NR6A1: variants seen among roughly 807,000 people sequenced by gnomAD.
NR6A1 encodes the protein retinoic acid receptor-related testis-associated receptor.
Under a neutral mutation model 59.1 loss-of-function variants are expected in NR6A1, and 7 were observed. The ratio of observed to expected loss-of-function variants is 0.12; its 90% CI spans 0.07 to 0.22. NR6A1 has a LOEUF of 0.22. Among genes scored for constraint, NR6A1 ranks in the 10% least tolerant of loss-of-function variants. The pLI, the probability that NR6A1 is intolerant of heterozygous loss-of-function variation, is 1.00. For synonymous variants in NR6A1, 243 were observed against 236.1 expected (o/e 1.03, Z -0.27); for missense variants, 468 against 611.6 (o/e 0.77, Z 2.48).
chr9:124,569,028 G>A (rs1307561838), intron 2 of NR6A1, among the ~76,000 whole-genome samples: 2 of 151,822 alleles, frequency 1.3e-5, no homozygotes, highest in Non-Finnish European at 2.9e-5. Flanking sequence ...CAGGAGAATG[G>A]CATGAACCCG....
In NR6A1 at chr9:124,584,436, G is replaced by A. The variant is rs554046013; in HGVS notation, c.143-29866C>T. Among the ~76,000 whole-genome samples the A allele has an allele frequency of 6.0e-4, 91 of 152,032 alleles. 1 individual carries two copies. In the South Asian group the frequency reaches 0.018, roughly 31 times the overall value. On this transcript the variant is annotated intron_variant, in intron 2 of 9. Transcript: ENST00000487099. Reference sequence around the variant, plus strand: ...TGCATTTTTTACAAATTGAAGGTTTGTGGCAACCCTGCATCAAGGAAGTCT... The same window carrying A: ...TGCATTTTTTACAAATTGAAGGTTTATGGCAACCCTGCATCAAGGAAGTCT...
At chr9:124,561,848 G>A (rs1356039708) in intron 2 of NR6A1, among the ~76,000 whole-genome samples, 2 of 152,128 alleles carry the variant, frequency 1.3e-5, no homozygotes, top group African/African-American at 2.4e-5. Flanking sequence ...GGAGGTAGAG[G>A]TTGCAGTGAG....
chr9:124,619,563 T>G (rs917764442), intron 2 of NR6A1, among the ~76,000 whole-genome samples: 1 of 152,088 alleles, frequency 6.6e-6, no homozygotes, highest in African/African-American at 2.4e-5. Context: ...ATACCTGGAC[T>G]ATAATTTTTA....
At chr9:124,539,155 T>C (rs1260061906) in intron 5 of NR6A1, among the ~76,000 whole-genome samples, 3 of 152,176 alleles carry the variant, frequency 2.0e-5, no homozygotes, top group African/African-American at 7.2e-5. Context: ...TCTACCCACC[T>C]TGACCTCCCA....
In NR6A1 at chr9:124,541,285, A is replaced by C. The variant is rs141027528; in HGVS notation, c.442-1098T>G. On this transcript the variant is annotated intron_variant, in intron 4 of 9. Transcript: ENST00000487099. ...AACTCCCATAACTCAGGAACAGAAA[A>C]AAAACAAAACAAAACCCACTGAAAA... is the stretch of plus-strand genomic sequence containing the variant. 5.5e-3 allele frequency among the ~76,000 whole-genome samples: 838 copies of C among 152,308 alleles called. 9 individuals carry two copies. The highest frequency in any genetic ancestry group is 0.018 in the African/African-American group (764 of 41,578).
intron 2 of NR6A1, among the ~76,000 whole-genome samples, chr9:124,600,375 G>C: frequency 6.6e-6 from 1 of 152,150 alleles, no homozygotes; most frequent in East Asian, 1.9e-4. Flanking sequence ...AAGAATGAGA[G>C]CAACTAAGAA....
intron 2 of NR6A1, among the ~76,000 whole-genome samples, chr9:124,606,730 G>A (rs920679665): frequency 3.3e-5 from 5 of 152,126 alleles, no homozygotes; most frequent in South Asian, 2.1e-4. Context: ...CTATGTTCAC[G>A]TGACAGTGAG....
chr9:124,637,075 AC>A (rs1479824328), intron 2 of NR6A1, among the ~76,000 whole-genome samples: 1 of 152,200 alleles, frequency 6.6e-6, no homozygotes, highest in Non-Finnish European at 1.5e-5. Context: ...CAGGAGTGAT[AC>A]ATCTCTCTAG....
At chr9:124,585,472 A>G (rs1408942603) in intron 2 of NR6A1, among the ~76,000 whole-genome samples, 2 of 142,520 alleles carry the variant, frequency 1.4e-5, no homozygotes, top group African/African-American at 2.6e-5. Flanking sequence ...TAAACCCAGG[A>G]GGCAAAGCTT....
intron 2 of NR6A1, among the ~76,000 whole-genome samples, chr9:124,649,031 A>T (rs1285939066): frequency 1.3e-5 from 2 of 152,094 alleles, no homozygotes; most frequent in African/African-American, 4.8e-5. Context: ...ATCCAAAGAG[A>T]TCTACAGATA....
intron 2 of NR6A1, among the ~76,000 whole-genome samples, chr9:124,568,312 C>T (rs970305121): frequency 6.6e-6 from 1 of 151,220 alleles, no homozygotes; most frequent in African/African-American, 2.4e-5. Flanking sequence ...ATGGTGAAAC[C>T]CCGTCTCTAC....
intron 2 of NR6A1, among the ~76,000 whole-genome samples, chr9:124,713,864 G>C (rs1039071751): frequency 1.3e-5 from 2 of 152,174 alleles, no homozygotes; most frequent in African/African-American, 4.8e-5. Context: ...AATTACCATA[G>C]GGTCCAGCAA....
At chr9:124,536,298 G>A (rs952116519) in intron 6 of NR6A1, among the ~76,000 whole-genome samples, 166 bp from the exon 7 acceptor site, 6 of 152,152 alleles carry the variant, frequency 3.9e-5, no homozygotes, top group Admixed American at 1.3e-4. Flanking sequence ...GATAAAGGGG[G>A]AAGGCTGAGG....
At chr9:124,767,605 G>A (rs1443805196) in intron 1 of NR6A1, among the ~76,000 whole-genome samples, 2 of 151,804 alleles carry the variant, frequency 1.3e-5, no homozygotes, top group African/African-American at 4.8e-5. Flanking sequence ...TTTCTAATGG[G>A]AGTAGGAAAA....
At chr9:124,633,276 G>A (rs559651657) in intron 2 of NR6A1, among the ~76,000 whole-genome samples, 6 of 151,826 alleles carry the variant, frequency 4.0e-5, no homozygotes, top group South Asian at 4.2e-4. Flanking sequence ...GGTGGCGCGC[G>A]CCTGTAGTCC....
At chr9:124,523,187 C>G (rs943105558) in intron 9 of NR6A1, among the ~76,000 whole-genome samples, 2 of 152,108 alleles carry the variant, frequency 1.3e-5, no homozygotes, top group African/African-American at 2.4e-5. Context: ...CCCCTCAACC[C>G]CCGGTAGATT....
At chr9:124,620,094 T>C (rs931663619) in intron 2 of NR6A1, among the ~76,000 whole-genome samples, 7 of 152,146 alleles carry the variant, frequency 4.6e-5, no homozygotes, top group Admixed American at 3.3e-4. Context: ...ATTTGTTTTA[T>C]TGTTTTATAT....
chr9:124,642,175 G>A (rs1030580647), intron 2 of NR6A1, among the ~76,000 whole-genome samples: 27 of 151,976 alleles, frequency 1.8e-4, no homozygotes, highest in Non-Finnish European at 3.5e-4. Context: ...TCAGCCTCCC[G>A]GGTAGCTGGG....
intron 1 of NR6A1, among the ~76,000 whole-genome samples, chr9:124,762,682 T>C (rs1025438210): frequency 6.6e-6 from 1 of 152,228 alleles, no homozygotes; most frequent in African/African-American, 2.4e-5. Context: ...CATTGATCAA[T>C]CTGGCATTTT....
Sources: gnomAD v4.1 joint callset for allele counts (sites outside exome capture counted in the v4.1 genomes callset) on GRCh38, gnomAD v4.1.1 for gene constraint, MANE v1.5 for transcripts, NCBI Gene and HGNC (gene_info 2026-07-23, HGNC 2026-07-21) for gene names.